The following GPC5 variants were observed in gnomAD, a reference collection of about 807,000 sequenced individuals.
GPC5 encodes glypican-5.
Under a neutral mutation model 53.9 loss-of-function variants are expected in GPC5, and 47 were observed. The ratio of observed to expected loss-of-function variants is 0.87; its 90% confidence interval spans 0.69 to 1.11. GPC5 has a LOEUF of 1.11. Ranked by LOEUF, GPC5 falls within the 50% of genes most tolerant of loss-of-function variation. The pLI, the probability that GPC5 is intolerant of heterozygous loss-of-function variation, is 0.00. For synonymous variants in GPC5, 286 were observed against 263.3 expected (o/e 1.09, Z -0.84); for missense variants, 748 against 713.1 (o/e 1.05, Z -0.56).
At chr13:91,973,979 C>A (rs367911551) in intron 6 of GPC5, among the ~76,000 whole-genome samples, 4 of 152,258 alleles carry the variant, frequency 2.6e-5, no homozygotes, top group African/African-American at 7.2e-5. Context: ...TCTCCAGCTG[C>A]GTGCTGGGAG....
chr13:91,689,272 A>T (rs1245154475), intron 2 of GPC5, among the ~76,000 whole-genome samples: 1 of 143,394 alleles, frequency 7.0e-6, no homozygotes, highest in East Asian at 2.0e-4. Context: ...TAAAAAAGGT[A>T]CACCTGCATA....
rs72638699 is a variant in GPC5 at position 92,401,487 on chromosome 13, A to G, written c.1561+256498A>G. Among the ~76,000 whole-genome samples, 439 of 152,240 alleles carry G rather than the reference A, an allele frequency of 2.9e-3. 1 individual carries two copies. Among genetic ancestry groups the G allele is most frequent in the Non-Finnish European group, 5.0e-3 (337 of 68,012 alleles). ...TCACATCAAATTTCAATATTTAATTATTTCATGGATAACAAAAATTTGTAT... is the reference window on the plus strand; with the variant it reads ...TCACATCAAATTTCAATATTTAATTGTTTCATGGATAACAAAAATTTGTAT... On this transcript the variant is annotated intron_variant, in intron 7 of 7. Transcript: ENST00000377067.
At chr13:92,129,981 C>T (rs548710517) in intron 6 of GPC5, among the ~76,000 whole-genome samples, 1 of 152,062 alleles carries the variant, frequency 6.6e-6, no homozygotes, top group South Asian at 2.1e-4. Flanking sequence ...GTTAACAAAA[C>T]CTAAGGAACA....
intron 7 of GPC5, among the ~76,000 whole-genome samples, chr13:92,385,816 C>T (rs906379130): frequency 1.6e-5 from 2 of 126,628 alleles, no homozygotes; most frequent in Admixed American, 8.9e-5. Flanking sequence ...TATATATACA[C>T]GTGTATATAT....
intron 6 of GPC5, among the ~76,000 whole-genome samples, chr13:92,012,803 G>T (rs529757174): frequency 7.9e-5 from 12 of 152,280 alleles, no homozygotes; most frequent in African/African-American, 2.9e-4. Context: ...ACTGATGCTG[G>T]ATTTCTCTTG....
chr13:92,485,314 A>G (rs1311176768), intron 7 of GPC5, among the ~76,000 whole-genome samples: 1 of 152,202 alleles, frequency 6.6e-6, no homozygotes, highest in East Asian at 1.9e-4. Flanking sequence ...AAATGTTATT[A>G]ATTCAACATC....
chr13:91,816,569 C>T (rs1219908969), intron 5 of GPC5, among the ~76,000 whole-genome samples: 1 of 152,172 alleles, frequency 6.6e-6, no homozygotes, highest in African/African-American at 2.4e-5. Context: ...CAGCAGCCAG[C>T]TGTTTCCTGG....
chr13:92,335,418 C>T (rs181494161), intron 7 of GPC5, among the ~76,000 whole-genome samples: 1 of 152,214 alleles, frequency 6.6e-6, no homozygotes, highest in Non-Finnish European at 1.5e-5. Context: ...AACCATTTTT[C>T]TTTCCTAGGA....
intron 6 of GPC5, among the ~76,000 whole-genome samples, chr13:91,943,956 C>G (rs550283618): frequency 6.6e-6 from 1 of 152,084 alleles, no homozygotes; most frequent in East Asian, 1.9e-4. Flanking sequence ...GATTACAACT[C>G]AAAATATGAA....
intron 7 of GPC5, among the ~76,000 whole-genome samples, chr13:92,552,390 T>C (rs1448945721): frequency 6.6e-6 from 1 of 151,952 alleles, no homozygotes; most frequent in Non-Finnish European, 1.5e-5. Flanking sequence ...GCAGGAATCA[T>C]ATTTTCTCAC....
At chr13:92,118,805 A>C (rs2041621459) in intron 6 of GPC5, among the ~76,000 whole-genome samples, 2 of 152,180 alleles carry the variant, frequency 1.3e-5, no homozygotes, top group African/African-American at 4.8e-5. Flanking sequence ...GGCCTTGGTG[A>C]GCATGCTTTG....
intron 7 of GPC5, among the ~76,000 whole-genome samples, chr13:92,407,931 A>G (rs980712372): frequency 6.6e-6 from 1 of 152,240 alleles, no homozygotes; most frequent in Non-Finnish European, 1.5e-5. Flanking sequence ...ATTGGTCTAT[A>G]AAGAGAAAGC....
intron 3 of GPC5, 112 bp downstream of exon 3, chr13:91,693,993 T>G: frequency 1.2e-6 from 1 of 811,488 alleles, no homozygotes; most frequent in Non-Finnish European, 1.9e-6. Flanking sequence ...CAATCCAAGA[T>G]ATTATTTTTT....
intron 1 of GPC5, among the ~76,000 whole-genome samples, chr13:91,435,734 A>G (rs902396045): frequency 5.9e-5 from 9 of 152,188 alleles, no homozygotes; most frequent in East Asian, 3.9e-4. Flanking sequence ...CTCTTTTTCT[A>G]TTGATTGAAA....
chr13:91,727,834 CT>C (rs1352952998), intron 3 of GPC5, among the ~76,000 whole-genome samples: 1 of 152,024 alleles, frequency 6.6e-6, no homozygotes, highest in African/African-American at 2.4e-5. Context: ...TCATATAAAT[CT>C]TTTTGATGCT....
At chr13:92,072,703 A>G (rs2041223116) in intron 6 of GPC5, among the ~76,000 whole-genome samples, 1 of 150,180 alleles carries the variant, frequency 6.7e-6, no homozygotes, top group Non-Finnish European at 1.5e-5. Flanking sequence ...CCTCCTGAGT[A>G]GTTGAGATTA....
chr13:92,093,538 T>C (rs1377768386), intron 6 of GPC5, among the ~76,000 whole-genome samples: 1 of 152,180 alleles, frequency 6.6e-6, no homozygotes, highest in African/African-American at 2.4e-5. Context: ...TTATTCTTAG[T>C]TTTACAGAAA....
At chr13:91,410,653 A>G (rs1164937768) in intron 1 of GPC5, among the ~76,000 whole-genome samples, 1 of 151,960 alleles carries the variant, frequency 6.6e-6, no homozygotes, top group East Asian at 1.9e-4. Flanking sequence ...GCCTTCCTTC[A>G]TCTTAATGGA....
At chr13:92,619,955 A>G (rs1275984504) in intron 7 of GPC5, among the ~76,000 whole-genome samples, 1 of 152,084 alleles carries the variant, frequency 6.6e-6, no homozygotes, top group Non-Finnish European at 1.5e-5. Flanking sequence ...ACAGTATATA[A>G]TGCTAAAATA....
Sources: gnomAD v4.1 joint callset for allele counts (sites outside exome capture counted in the v4.1 genomes callset) on GRCh38, gnomAD v4.1.1 for gene constraint, MANE v1.5 for transcripts, NCBI Gene and HGNC (gene_info 2026-07-23, HGNC 2026-07-21) for gene names.